Variants in SGCG observed in about 807,000 individuals in gnomAD.
SGCG encodes sarcoglycan gamma, also known as gamma-sarcoglycan.
Under a neutral mutation model 29.3 loss-of-function variants are expected in SGCG, and 26 were observed. The observed-to-expected ratio is 0.89, with a 90% CI of 0.65 to 1.23. SGCG has a LOEUF of 1.23. Ranked by LOEUF, SGCG falls within the 50% of genes most tolerant of loss-of-function variation. The pLI, the probability that SGCG is intolerant of heterozygous loss-of-function variation, is 0.00. For synonymous variants in SGCG, 145 were observed against 129.7 expected (o/e 1.12, Z -0.80); for missense variants, 353 against 356.0 (o/e 0.99, Z 0.07).
intron 2 of SGCG, among the ~76,000 whole-genome samples, chr13:23,211,712 T>C (rs557228610): frequency 1.3e-5 from 2 of 152,366 alleles, no homozygotes; most frequent in South Asian, 4.1e-4. Context: ...CAGTTACCTC[T>C]GCAGTCTTGT....
rs774582375 is a variant in SGCG at position 23,295,408 on chromosome 13, T to G, written c.506-7T>G. 184 of 1,611,580 alleles carry G rather than the reference T, an allele frequency of 1.1e-4. 2 individuals are homozygous for G. Among genetic ancestry groups the G allele is most frequent in the Non-Finnish European group, 1.5e-4 (175 of 1,177,762 alleles). On this transcript the variant is annotated splice_polypyrimidine_tract_variant and splice_region_variant and intron_variant, in intron 5 of 7. Transcript: ENST00000218867. Reference sequence around the variant, plus strand: ...CTGCTCCTGATACATCTTTGTTTTTTGTTTAGGGCCTGAAGGGGCTCTTTT... The same window carrying G: ...CTGCTCCTGATACATCTTTGTTTTTGGTTTAGGGCCTGAAGGGGCTCTTTT...
the SGCG span, among the ~76,000 whole-genome samples, chr13:23,173,985 T>C: frequency 2.6e-5 from 4 of 152,158 alleles, no homozygotes; most frequent in Non-Finnish European, 5.9e-5. Flanking sequence ...CAAAGTTCAG[T>C]AGGAACTATT....
At chr13:23,241,953 C>T (rs899052123) in intron 3 of SGCG, among the ~76,000 whole-genome samples, 1 of 151,998 alleles carries the variant, frequency 6.6e-6, no homozygotes, top group African/African-American at 2.4e-5. Context: ...AAATAGAAAA[C>T]ATAAAACAAT....
At chr13:23,220,226 G>A (rs1199607611) in intron 2 of SGCG, among the ~76,000 whole-genome samples, 3 of 152,120 alleles carry the variant, frequency 2.0e-5, no homozygotes, top group Non-Finnish European at 4.4e-5. Context: ...GCCGAGGCAG[G>A]CAGATCACCT....
At chr13:23,292,618 A>G (rs930277161) in intron 5 of SGCG, among the ~76,000 whole-genome samples, 5 of 152,334 alleles carry the variant, frequency 3.3e-5, no homozygotes, top group African/African-American at 1.2e-4. Flanking sequence ...GGTATGTGTT[A>G]TAGAAAGTTA....
Position 23,203,812 on chromosome 13 carries a change from GTTC to G in SGCG, c.124_126del (p.Leu44del), listed in dbSNP as rs1349925286. The G allele has an allele frequency of 2.5e-6, 4 of 1,613,874 alleles. No homozygotes were observed. The highest frequency in any genetic ancestry group is 2.2e-5 in the South Asian group (2 of 91,074). On this transcript the variant is annotated inframe_deletion, in exon 2 of 8. Transcript: ENST00000218867. ...GAGAAAGCGCTGTCTCTACTTGTTTGTTCTTCTTTTACTCATCATCCTCGTTGT... is the reference window on the plus strand; with the variant it reads ...GAGAAAGCGCTGTCTCTACTTGTTTGTTCTTTTACTCATCATCCTCGTTGT...
chr13:23,180,978 C>T (rs1876712123), upstream of SGCG: 1 of 152,176 alleles, frequency 6.6e-6, no homozygotes, highest in Admixed American at 6.5e-5. Context: ...CCTTTGCTCT[C>T]ATTCTGTAAG....
chr13:23,162,633 C>T, the SGCG span, among the ~76,000 whole-genome samples: 2 of 150,690 alleles, frequency 1.3e-5, no homozygotes, highest in South Asian at 2.1e-4. Context: ...CTCTTAAAAA[C>T]GAGCCTGGGC....
At chr13:23,248,680 C>CT (rs1879828234) in intron 3 of SGCG, among the ~76,000 whole-genome samples, 1 of 145,576 alleles carries the variant, frequency 6.9e-6, no homozygotes, top group Non-Finnish European at 1.5e-5. Flanking sequence ...GGCGGCGGAA[C>CT]TAGACTCCGT....
chr13:23,189,239 C>T (rs536848405), intron 1 of SGCG, among the ~76,000 whole-genome samples: 13 of 152,292 alleles, frequency 8.5e-5, no homozygotes, highest in South Asian at 4.1e-4. Context: ...TGCAGTGGCG[C>T]GATCTCAGCT....
chr13:23,176,163 C>T (rs1267777035), upstream of SGCG, among the ~76,000 whole-genome samples: 2 of 152,064 alleles, frequency 1.3e-5, no homozygotes, highest in Non-Finnish European at 2.9e-5. Flanking sequence ...CTGGATACTT[C>T]CTATAATGTC....
chr13:23,218,939 A>G (rs778163903), intron 2 of SGCG, among the ~76,000 whole-genome samples: 62 of 147,760 alleles, frequency 4.2e-4, no homozygotes, highest in African/African-American at 9.0e-4. Flanking sequence ...GTATAAATAT[A>G]TATTATTTTG....
rs9580603 is a variant in SGCG at position 23,324,350 on chromosome 13, T to C, written c.703-18T>C. The C allele has an allele frequency of 0.011, 17,454 of 1,613,802 alleles. 595 individuals are homozygous for C. The African/African-American group carries it at 0.12, about 11-fold the overall frequency. Reference sequence around the variant, plus strand: ...TGGCCCTTCCTTAACTCTTCGTCTCTCATCTTCTCCCAACCAGCTTGTGCT... The same window carrying C: ...TGGCCCTTCCTTAACTCTTCGTCTCCCATCTTCTCCCAACCAGCTTGTGCT... On this transcript the variant is annotated intron_variant, in intron 7 of 7. Coordinates refer to ENST00000218867, the MANE Select transcript of SGCG (RefSeq NM_000231.3).
In SGCG at chr13:23,283,104, G is replaced by A. The variant is rs183624357; in HGVS notation, c.505+3626G>A. On this transcript the variant is annotated intron_variant, in intron 5 of 7. Transcript: ENST00000218867. ...AGAATGTACATTCTGTTGACTTGGG[G>A]TGGAGACTTCTGTAGATGTCTATTA... 5.0e-3 allele frequency among the ~76,000 whole-genome samples: 759 copies of A among 152,322 alleles called. 5 individuals carry two copies. The highest frequency in any genetic ancestry group is 0.018 in the African/African-American group (736 of 41,562).
chr13:23,292,067 G>T (rs1230824810), intron 5 of SGCG, among the ~76,000 whole-genome samples: 1 of 151,818 alleles, frequency 6.6e-6, no homozygotes, highest in Non-Finnish European at 1.5e-5. Flanking sequence ...GCTCCCAAAA[G>T]CTTCTCTAGT....
At chr13:23,302,439 A>G (rs1446248597) in intron 6 of SGCG, among the ~76,000 whole-genome samples, 2 of 152,052 alleles carry the variant, frequency 1.3e-5, no homozygotes, top group Non-Finnish European at 2.9e-5. Flanking sequence ...TTTTGTATCT[A>G]TTAGCCAGCC....
At chr13:23,190,329 G>C (rs1259939999) in intron 1 of SGCG, among the ~76,000 whole-genome samples, 1 of 152,112 alleles carries the variant, frequency 6.6e-6, no homozygotes, top group Non-Finnish European at 1.5e-5. Context: ...GATGGATGTA[G>C]TATCATCATA....
chr13:23,169,915 T>C, the SGCG span: 1 of 152,354 alleles, frequency 6.6e-6, no homozygotes, highest in South Asian at 2.1e-4. Flanking sequence ...CCTTGATCCA[T>C]GGCCTAAGCA....
chr13:23,203,629 C>T, intron 1 of SGCG, 66 bp from the exon 2 acceptor site: 1 of 1,178,816 alleles, frequency 8.5e-7, no homozygotes, highest in South Asian at 1.3e-5. Flanking sequence ...CAGTATTAAA[C>T]AAGTTGCCTC....
Sources: gnomAD v4.1 joint callset for allele counts (sites outside exome capture counted in the v4.1 genomes callset) on GRCh38, gnomAD v4.1.1 for gene constraint, MANE v1.5 for transcripts, NCBI Gene and HGNC (gene_info 2026-07-23, HGNC 2026-07-21) for gene names.